The following SMAP1 variants were observed in gnomAD, a reference collection of about 807,000 sequenced individuals.
SMAP1 encodes stromal membrane-associated protein 1.
In SMAP1, 24 loss-of-function variants were observed where a neutral mutation model predicts 58.5. The ratio of observed to expected loss-of-function variants is 0.41; its 90% CI spans 0.30 to 0.58. SMAP1 has a LOEUF of 0.58. Ranked by LOEUF, SMAP1 falls within the 20% of genes least tolerant of loss-of-function variation. The pLI, the probability that SMAP1 is intolerant of heterozygous loss-of-function variation, is 0.29. For synonymous variants in SMAP1, 216 were observed against 196.6 expected, an observed-to-expected ratio of 1.10 and a Z score of -0.82; for missense variants, 563 against 566.3, an observed-to-expected ratio of 0.99 and a Z score of 0.06.
At chr6:70,835,961 A>G (rs564414315) in intron 6 of SMAP1, among the ~76,000 whole-genome samples, 1 of 152,328 alleles carries the variant, frequency 6.6e-6, no homozygotes, top group South Asian at 2.1e-4. Flanking sequence ...CTAGAAGAAT[A>G]TTATATTTAA....
chr6:70,802,439 C>T (rs1427506164), intron 6 of SMAP1, among the ~76,000 whole-genome samples: 1 of 152,166 alleles, frequency 6.6e-6, no homozygotes, highest in Non-Finnish European at 1.5e-5. Context: ...GATATATAAT[C>T]ATGTCATCTG....
intron 7 of SMAP1, among the ~76,000 whole-genome samples, chr6:70,851,176 A>C (rs979995193): frequency 1.3e-5 from 2 of 152,182 alleles, no homozygotes; most frequent in African/African-American, 4.8e-5. Context: ...AGATTAACCT[A>C]ATTTGGGCTT....
At chr6:70,697,966 T>A (rs1243996598) in intron 1 of SMAP1, among the ~76,000 whole-genome samples, 1 of 152,236 alleles carries the variant, frequency 6.6e-6, no homozygotes, top group Non-Finnish European at 1.5e-5. Flanking sequence ...TACAATATTC[T>A]GCGTTTTTTT....
intron 2 of SMAP1, among the ~76,000 whole-genome samples, chr6:70,733,613 C>A (rs78268521): frequency 1.3e-5 from 2 of 152,016 alleles, no homozygotes; most frequent in African/African-American, 4.8e-5. Context: ...TGGACTCAAG[C>A]GATTCTCCCA....
chr6:70,820,418 C>CT (rs1244510949), intron 6 of SMAP1, among the ~76,000 whole-genome samples: 2 of 151,990 alleles, frequency 1.3e-5, no homozygotes, highest in Non-Finnish European at 2.9e-5. Flanking sequence ...ATTATGAAAA[C>CT]TTTATTATTT....
At chr6:70,672,036 A>G (rs1234682037) in intron 1 of SMAP1, among the ~76,000 whole-genome samples, 1 of 152,208 alleles carries the variant, frequency 6.6e-6, no homozygotes, top group Non-Finnish European at 1.5e-5. Flanking sequence ...GGGTAAGCTC[A>G]TTGCTGAGAT....
At chr6:70,777,237 T>C (rs1261284378) in intron 4 of SMAP1, among the ~76,000 whole-genome samples, 1 of 152,144 alleles carries the variant, frequency 6.6e-6, no homozygotes, top group Non-Finnish European at 1.5e-5. Flanking sequence ...TGGCACTCCC[T>C]AGTGAGATGA....
At chr6:70,683,874 G>A (rs1766825605) in intron 1 of SMAP1, among the ~76,000 whole-genome samples, 1 of 152,228 alleles carries the variant, frequency 6.6e-6, no homozygotes, top group Non-Finnish European at 1.5e-5. Flanking sequence ...GAACATGGGA[G>A]TGAACCCAGG....
chr6:70,795,144 A>G (rs898487445), intron 5 of SMAP1, among the ~76,000 whole-genome samples: 6 of 152,074 alleles, frequency 3.9e-5, no homozygotes, highest in African/African-American at 1.4e-4. Context: ...TGACAGCTGT[A>G]TTTTTACAGC....
rs1187959956 is a variant in SMAP1 at position 70,857,963 on chromosome 6, G to A, written c.1003G>A (p.Ala335Thr). 1 of 1,614,102 alleles carries A rather than the reference G, an allele frequency of 6.2e-7. No individual in the cohort carries two copies. The highest frequency in any genetic ancestry group is 8.5e-7 in the Non-Finnish European group (1 of 1,179,998). The change falls in exon 10 of 11, where the codon GCA becomes ACA. Residue 335 changes from alanine (A) to threonine (T), a missense_variant. This residue lies in a region of SMAP1 where 494 missense variants were observed against 473.8 expected (regional missense o/e 1.04). Coordinates refer to ENST00000370455, the MANE Select transcript of SMAP1 (RefSeq NM_001044305.3). ...GPTNIPFTSQAPAAFQGFPSM... is the reference protein window; with the variant it reads ...GPTNIPFTSQTPAAFQGFPSM... Reference sequence around the variant, plus strand: ...CACAAATATACCATTTACCTCACAAGCACCAGCTGCATTTCAGGGCTTTCC... The same window carrying A: ...CACAAATATACCATTTACCTCACAAACACCAGCTGCATTTCAGGGCTTTCC...
chr6:70,836,728 A>G (rs1411166695), intron 6 of SMAP1, among the ~76,000 whole-genome samples: 1 of 152,244 alleles, frequency 6.6e-6, no homozygotes, highest in Non-Finnish European at 1.5e-5. Context: ...TTTATTCACT[A>G]TTTTGGGGTC....
intron 6 of SMAP1, among the ~76,000 whole-genome samples, chr6:70,827,876 A>C: frequency 6.6e-6 from 1 of 152,220 alleles, no homozygotes; most frequent in Non-Finnish European, 1.5e-5. Context: ...AAATCCTAAA[A>C]ATACAATTTA....
At chr6:70,698,547 C>T (rs1166182439) in intron 1 of SMAP1, among the ~76,000 whole-genome samples, 1 of 152,116 alleles carries the variant, frequency 6.6e-6, no homozygotes. Flanking sequence ...GGACTGTTTT[C>T]TAGATTTCGT....
intron 1 of SMAP1, among the ~76,000 whole-genome samples, chr6:70,727,401 G>T (rs375038446): frequency 6.6e-6 from 1 of 152,246 alleles, no homozygotes; most frequent in East Asian, 1.9e-4. Context: ...GAGCCACTGC[G>T]CCCAACCCAC....
intron 7 of SMAP1, among the ~76,000 whole-genome samples, chr6:70,838,894 G>A (rs551455556): frequency 1.3e-5 from 2 of 152,284 alleles, no homozygotes; most frequent in East Asian, 1.9e-4. Context: ...ATTATAGTAG[G>A]GCAAGGTGGA....
intron 8 of SMAP1, among the ~76,000 whole-genome samples, chr6:70,855,351 T>C (rs918883830): frequency 6.6e-6 from 1 of 152,180 alleles, no homozygotes; most frequent in African/African-American, 2.4e-5. Context: ...GTTTTTAGAC[T>C]GTGTCCTTGT....
intron 3 of SMAP1, among the ~76,000 whole-genome samples, chr6:70,769,535 T>C (rs1767172978): frequency 6.6e-6 from 1 of 152,216 alleles, no homozygotes; most frequent in Non-Finnish European, 1.5e-5. Flanking sequence ...TTGATCTGTG[T>C]TGGTTTGAAG....
At chr6:70,818,145 T>C (rs1023059153) in intron 6 of SMAP1, among the ~76,000 whole-genome samples, 5 of 151,780 alleles carry the variant, frequency 3.3e-5, no homozygotes, top group African/African-American at 1.2e-4. Context: ...AATGAAAACC[T>C]AACTTTGGGA....
chr6:70,769,635 C>T (rs1767180325), intron 3 of SMAP1, among the ~76,000 whole-genome samples: 1 of 152,082 alleles, frequency 6.6e-6, no homozygotes, highest in Admixed American at 6.5e-5. Flanking sequence ...TTATATTGAG[C>T]CTATGTGTGT....
Sources: allele counts gnomAD v4.1 joint callset (sites outside exome capture counted in the v4.1 genomes callset), GRCh38; gene constraint gnomAD v4.1.1; regional missense constraint gnomAD v4.1.1; transcripts MANE v1.5; gene names NCBI Gene and HGNC (gene_info 2026-07-23, HGNC 2026-07-21).